The following BCL7B variants were observed in gnomAD, a reference collection of about 807,000 sequenced individuals.
The protein encoded by BCL7B is BAF chromatin remodeling complex subunit BCL7B.
Under a neutral mutation model 26.5 loss-of-function variants are expected in BCL7B, and 11 were observed. That is an observed-to-expected ratio of 0.42 (90% CI 0.26 to 0.69). The LOEUF (loss-of-function observed/expected upper bound fraction) is 0.69. Ranked by LOEUF, BCL7B falls within the 30% of genes least tolerant of loss-of-function variation. The pLI is 0.28. For missense variants in BCL7B, 215 were observed against 264.4 expected (o/e 0.81, Z 1.30); for synonymous variants, 111 against 107.9 (o/e 1.03, Z -0.18).
chr7:73,544,948 A>T (rs1187450238), intron 2 of BCL7B, among the ~76,000 whole-genome samples: 1 of 151,908 alleles, frequency 6.6e-6, no homozygotes, highest in Non-Finnish European at 1.5e-5. Context: ...GGTCCCAGCT[A>T]CTGAGAAGGC....
intron 1 of BCL7B, among the ~76,000 whole-genome samples, 166 bp from the exon 2 acceptor site, chr7:73,552,408 GA>G (rs1355014979): frequency 6.6e-6 from 1 of 152,030 alleles, no homozygotes; most frequent in Admixed American, 6.6e-5. Context: ...AGCACTTTGA[GA>G]GGCTGAGGCA....
intron 3 of BCL7B, among the ~76,000 whole-genome samples, chr7:73,542,485 G>C (rs1056674100): frequency 2.6e-5 from 4 of 152,176 alleles, no homozygotes; most frequent in Non-Finnish European, 5.9e-5. Context: ...GTAGCATTTT[G>C]TCACCAAATG....
rs782140570 is a variant in BCL7B at position 73,537,288 on chromosome 7, C to A, written c.*10G>T. 1.9e-6 allele frequency: 3 copies of A among 1,613,670 alleles called. No individual in the cohort carries two copies. The highest frequency in any genetic ancestry group is 2.2e-5 in the East Asian group (1 of 44,854). On this transcript the variant is annotated 3_prime_UTR_variant, in exon 6 of 6. Transcript: ENST00000223368. ...GAGGCAGGGCCAGGAGGCGGAGGGCCGGGATGGTGCTAGCTTTCTGACGCC... is the reference window on the plus strand; with the variant it reads ...GAGGCAGGGCCAGGAGGCGGAGGGCAGGGATGGTGCTAGCTTTCTGACGCC...
rs370682281 is a variant in BCL7B, at chr7:73,553,132, T to TGG, written c.93-892_93-891dup. 3.5e-3 allele frequency among the ~76,000 whole-genome samples: 519 copies of TGG among 149,982 alleles called. 2 individuals are homozygous for TGG. Among genetic ancestry groups the TGG allele is most frequent in the African/African-American group, 0.012 (472 of 40,890 alleles). ...GATGGTTGGGGTGGTGGGGTGGGGG[T>TGG]GGGGGGTCTCTCTTTGTTGCCCGCG... On this transcript the variant is annotated intron_variant, in intron 1 of 5. Coordinates refer to ENST00000223368, the MANE Select transcript of BCL7B (RefSeq NM_001707.4).
Position 73,551,283 on chromosome 7 carries a change from T to C in BCL7B, c.168+884A>G, listed in dbSNP as rs1792159623. On this transcript the variant is annotated intron_variant, in intron 2 of 5. Transcript: ENST00000223368. ...ATAAGGAAATCAGTGGGCATACTTA[T>C]GTGTTTGGTTTTTTTTGTTTGTTTG... is the stretch of plus-strand genomic sequence containing the variant. 3.9e-5 allele frequency among the ~76,000 whole-genome samples: 6 copies of C among 152,262 alleles called. No individual in the cohort carries two copies. The South Asian group carries it at 1.0e-3, about 26-fold the overall frequency.
chr7:73,552,303 TTG>T (rs1792204938), intron 1 of BCL7B, 61 bp from the exon 2 acceptor site: 2 of 1,400,218 alleles, frequency 1.4e-6, no homozygotes, highest in South Asian at 2.4e-5. Flanking sequence ...TGTTCATCAC[TTG>T]TGTTTTTCTA....
Position 73,537,456 on chromosome 7 carries a change from G to C in BCL7B, c.517-66C>G, listed in dbSNP as rs1257053555. On this transcript the variant is annotated intron_variant, in intron 5 of 5. Transcript: ENST00000223368. ...CCAACCAGAACCTTCCCACCCACCC[G>C]AATTATAATGGGATGTCCACTCTGC... 3 of 1,181,860 alleles carry C rather than the reference G, an allele frequency of 2.5e-6. No homozygotes were observed. The African/African-American group carries it at 4.5e-5, about 18-fold the overall frequency. 73.2% of individuals were successfully genotyped at this position (1,181,860 alleles called of 1,614,324 possible).
chr7:73,537,846 G>A (rs113315121), intron 5 of BCL7B, 88 bp downstream of exon 5: 24 of 892,508 alleles, frequency 2.7e-5, no homozygotes, highest in Admixed American at 1.3e-4. Context: ...AGCCAGGATC[G>A]CACCACTGCA....
At chr7:73,556,941 C>A (rs1792382901) in intron 1 of BCL7B, 7 of 990,196 alleles carry the variant, frequency 7.1e-6, no homozygotes, top group Non-Finnish European at 8.4e-6. Flanking sequence ...GCCTACCAAG[C>A]TCGCGGCGCA....
At chr7:73,542,941 A>G in intron 3 of BCL7B, 1 of 406,322 alleles carries the variant, frequency 2.5e-6, no homozygotes, top group Non-Finnish European at 4.9e-6. Context: ...ATGAAGTACA[A>G]TCTAAAAAAA....
intron 1 of BCL7B, among the ~76,000 whole-genome samples, chr7:73,555,162 T>C (rs1792315725): frequency 6.6e-6 from 1 of 152,114 alleles, no homozygotes; most frequent in South Asian, 2.1e-4. Flanking sequence ...TTCCAGCACT[T>C]TGGGAGGTCA....
chr7:73,547,118 C>T (rs1791984284), intron 2 of BCL7B, among the ~76,000 whole-genome samples: 1 of 151,712 alleles, frequency 6.6e-6, no homozygotes, highest in African/African-American at 2.4e-5. Context: ...TGCCATTGCA[C>T]TCCAGCCTGG....
At chr7:73,551,092 A>G (rs1030451863) in intron 2 of BCL7B, among the ~76,000 whole-genome samples, 1 of 152,244 alleles carries the variant, frequency 6.6e-6, no homozygotes, top group Non-Finnish European at 1.5e-5. Flanking sequence ...AGAAAGATGT[A>G]TATACATATG....
chr7:73,541,160 T>A (rs1010861855), intron 3 of BCL7B, among the ~76,000 whole-genome samples: 1 of 151,630 alleles, frequency 6.6e-6, no homozygotes. Flanking sequence ...AAATAAAAAT[T>A]AAAATTAAAA....
rs553418490 is a variant in BCL7B, at chr7:73,553,630, G to A, written c.93-1388C>T. On this transcript the variant is annotated intron_variant, in intron 1 of 5. Coordinates refer to ENST00000223368, the MANE Select transcript of BCL7B (RefSeq NM_001707.4). The stretch of plus-strand genomic sequence containing the variant: ...AGAGGTTGCAGTGAGCCGAGATTGC[G>A]CCAATGCACTCCAGCCTGGGTGACA... 9.8e-5 allele frequency: 15 copies of A among 153,512 alleles called. No homozygotes were observed. The South Asian group carries it at 1.6e-3, about 17-fold the overall frequency. 9.5% of individuals were successfully genotyped at this position (153,512 alleles called of 1,614,324 possible). A position where few individuals can be genotyped will look rare whatever the true frequency, so the allele number is the denominator to read the frequency against.
intron 4 of BCL7B, among the ~76,000 whole-genome samples, chr7:73,538,566 CT>C (rs1791627910): frequency 6.6e-6 from 1 of 152,014 alleles, no homozygotes; most frequent in Non-Finnish European, 1.5e-5. Flanking sequence ...ATAATCCCAG[CT>C]ACTCTGGAGG....
chr7:73,537,441 C>T, intron 5 of BCL7B, 51 bp from the exon 6 acceptor site: 1 of 1,398,402 alleles, frequency 7.2e-7, no homozygotes, highest in Non-Finnish European at 1.0e-6. Flanking sequence ...CCAACCAGAA[C>T]CTTCCCACCC....
At chr7:73,541,561 G>C (rs1261173599) in intron 3 of BCL7B, among the ~76,000 whole-genome samples, 2 of 150,998 alleles carry the variant, frequency 1.3e-5, no homozygotes, top group African/African-American at 4.9e-5. Context: ...TCTGCCTCCT[G>C]GGTTCAACTG....
chr7:73,552,730 G>A (rs1554584299), intron 1 of BCL7B, among the ~76,000 whole-genome samples: 1 of 151,428 alleles, frequency 6.6e-6, no homozygotes, highest in Non-Finnish European at 1.5e-5. Flanking sequence ...GCAGTAAACT[G>A]AGATCACGCC....
Sources: allele counts gnomAD v4.1 joint callset (sites outside exome capture counted in the v4.1 genomes callset), GRCh38; gene constraint gnomAD v4.1.1; transcripts MANE v1.5; gene names NCBI Gene and HGNC (gene_info 2026-07-23, HGNC 2026-07-21).